The following WDR62 variants were observed in gnomAD, a reference collection of about 807,000 sequenced individuals.
The protein encoded by WDR62 is WD repeat domain 62, also known as WD repeat-containing protein 62.
WDR62 carries 112 observed loss-of-function variants against 160.6 expected under a neutral mutation model. That is an observed-to-expected ratio of 0.70 (90% CI 0.60 to 0.82). WDR62 has a LOEUF of 0.82. Ranked by LOEUF, WDR62 falls within the 40% of genes least tolerant of loss-of-function variation. The pLI, the probability that WDR62 is intolerant of heterozygous loss-of-function variation, is 0.00. For synonymous variants in WDR62, 792 were observed against 815.1 expected (o/e 0.97, Z 0.48); for missense variants, 1,819 against 1,983.8 (o/e 0.92, Z 1.58).
chr19:36,104,417 T>C (rs1333896147), intron 30 of WDR62, 101 bp from the exon 31 acceptor site: 35 of 1,461,788 alleles, frequency 2.4e-5, no homozygotes, highest in Non-Finnish European at 3.3e-5. Context: ...CCCAGAGAAG[T>C]GTTCCAGACA....
intron 24 of WDR62, 67 bp downstream of exon 24, chr19:36,101,384 C>T (rs898404499): frequency 8.0e-6 from 11 of 1,374,346 alleles, no homozygotes; most frequent in South Asian, 2.5e-5. Context: ...TTCTGGGCAC[C>T]GATGGTGACT....
downstream of WDR62, among the ~76,000 whole-genome samples, chr19:36,108,147 A>G (rs952316218): frequency 3.9e-5 from 6 of 152,122 alleles, no homozygotes; most frequent in African/African-American, 1.4e-4. Context: ...ACTCCCACAC[A>G]GGACGGAGTG....
In WDR62 at chr19:36,067,682, C is replaced by T. The variant is rs1018491958; in HGVS notation, c.700-146C>T. 5 of 1,061,450 alleles carry T rather than the reference C, an allele frequency of 4.7e-6. No individual in the cohort carries two copies. The African/African-American group carries it at 6.3e-5, about 13-fold the overall frequency. The allele number at this position is 1,061,450 out of a possible 1,614,324, so 65.8% of individuals were successfully genotyped here. A position where few individuals can be genotyped will look rare whatever the true frequency, so the allele number is the denominator to read the frequency against. Reference sequence around the variant, plus strand: ...GACTGCTGCTGTCCAGCCCCTCTGTCCAGAGTGGCAGGGTTCTAGTGTTTT... The same window carrying T: ...GACTGCTGCTGTCCAGCCCCTCTGTTCAGAGTGGCAGGGTTCTAGTGTTTT... On this transcript the variant is annotated intron_variant, in intron 6 of 31. Coordinates refer to ENST00000401500, the MANE Select transcript of WDR62 (RefSeq NM_001083961.2).
intron 11 of WDR62, among the ~76,000 whole-genome samples, chr19:36,084,154 G>C (rs1267096716): frequency 6.6e-6 from 1 of 152,120 alleles, no homozygotes; most frequent in Non-Finnish European, 1.5e-5. Context: ...CAAGGTGTCT[G>C]GAGTAAGATC....
intron 2 of WDR62, chr19:36,059,143 C>T (rs754263073): frequency 1.7e-6 from 1 of 597,462 alleles, no homozygotes; most frequent in Non-Finnish European, 3.2e-6. Flanking sequence ...AAAGTCCACG[C>T]TGTGGTGTCA....
At position 36,105,070 on chromosome 19, in the gene WDR62, T is replaced by G; in HGVS notation, c.*42T>G. On this transcript the variant is annotated 3_prime_UTR_variant, in exon 32 of 32. Transcript: ENST00000401500. ...CCGCAGCCCTGCTGCTTCTGAGGAC[T>G]TAGGTATTTTAAGCGAATAAACTGA... 6.4e-7 allele frequency: 1 copy of G among 1,574,140 alleles called. No homozygotes were observed. Among genetic ancestry groups the G allele is most frequent in the Non-Finnish European group, 8.6e-7 (1 of 1,167,438 alleles).
intron 18 of WDR62, 22 bp downstream of exon 18, chr19:36,091,487 G>C: frequency 6.2e-7 from 1 of 1,612,394 alleles, no homozygotes; most frequent in Non-Finnish European, 8.5e-7. Context: ...ACCTTTGGGA[G>C]AGTTGTGGCT....
chr19:36,065,671 C>T (rs553223872), intron 3 of WDR62, among the ~76,000 whole-genome samples: 1 of 152,322 alleles, frequency 6.6e-6, no homozygotes, highest in South Asian at 2.1e-4. Flanking sequence ...TTAGGATACC[C>T]ACTGCGGCAG....
chr19:36,091,195 G>T lies in WDR62; in HGVS notation c.2035-5G>T, dbSNP rs772799141. The T allele has an allele frequency of 6.2e-7, 1 of 1,611,740 alleles. No individual in the cohort carries two copies. Among genetic ancestry groups the T allele is most frequent in the Non-Finnish European group, 8.5e-7 (1 of 1,179,522 alleles). On this transcript the variant is annotated splice_region_variant and splice_polypyrimidine_tract_variant and intron_variant, in intron 16 of 31. Transcript: ENST00000401500. ...GGAGTGACATGTGGGTCCCTTTCCT[G>T]GCAGGTCCATGTGGACCCCTCAGGC... is the stretch of plus-strand genomic sequence containing the variant.
rs112789274 is a variant in WDR62 at position 36,084,753 on chromosome 19, G to A, written c.1642+9G>A. 1.4e-4 allele frequency: 223 copies of A among 1,612,044 alleles called. 1 individual carries two copies. In the East Asian group the frequency reaches 3.5e-3, roughly 25 times the overall value. On this transcript the variant is annotated intron_variant, in intron 12 of 31. Coordinates refer to ENST00000401500, the MANE Select transcript of WDR62 (RefSeq NM_001083961.2). The stretch of plus-strand genomic sequence containing the variant: ...CTCCAAGCCAGAGACGGGTGAGCCC[G>A]CAGCAGGGGTGGAATGGGGGTCAGG...
chr19:36,088,878 C>G (rs1224424620), intron 13 of WDR62, among the ~76,000 whole-genome samples, 160 bp from the exon 14 acceptor site: 1 of 152,214 alleles, frequency 6.6e-6, no homozygotes. Context: ...CAGCTCATAC[C>G]TTACAGAGTC....
intron 8 of WDR62, among the ~76,000 whole-genome samples, chr19:36,073,026 A>C (rs895765461): frequency 3.9e-5 from 6 of 152,140 alleles, no homozygotes; most frequent in African/African-American, 1.4e-4. Flanking sequence ...CCTGAGATAC[A>C]TGCCTATTAT....
At chr19:36,101,102 C>T in intron 23 of WDR62, 112 bp from the exon 24 acceptor site, 2 of 1,201,836 alleles carry the variant, frequency 1.7e-6, no homozygotes, top group South Asian at 1.3e-5. Flanking sequence ...GAGGCTGTCG[C>T]AGTGCTCCTG....
At chr19:36,067,730 G>A in intron 6 of WDR62, 98 bp from the exon 7 acceptor site, 1 of 1,387,018 alleles carries the variant, frequency 7.2e-7, no homozygotes, top group Non-Finnish European at 1.0e-6. Flanking sequence ...ATTTGGAAGA[G>A]CTTCTTAGAG....
intron 13 of WDR62, among the ~76,000 whole-genome samples, chr19:36,088,203 C>G (rs992343134): frequency 6.6e-6 from 1 of 152,102 alleles, no homozygotes. Context: ...TTTGTTCTGT[C>G]ATTTCATCCT....
Position 36,103,648 on chromosome 19 carries a change from C to A in WDR62, c.3820C>A (p.Pro1274Thr), listed in dbSNP as rs2145879132. The change falls in exon 30 of 32, where the codon CCC (proline) becomes ACC (threonine). Residue 1274 changes from proline to threonine, a missense_variant. Coordinates refer to ENST00000401500, the MANE Select transcript of WDR62 (RefSeq NM_001083961.2). ...ELQAITTATT[P>T]SLDSEGQEPA... Reference sequence around the variant, plus strand: ...TCAGGCCATCACCACCGCGACAACACCCAGTTTGGACAGTGAGGGCCAAGA... The same window carrying A: ...TCAGGCCATCACCACCGCGACAACAACCAGTTTGGACAGTGAGGGCCAAGA... 1 of 1,610,590 alleles carries A rather than the reference C, an allele frequency of 6.2e-7. No homozygotes were observed. Among genetic ancestry groups the A allele is most frequent in the Non-Finnish European group, 8.5e-7 (1 of 1,179,996 alleles).
At position 36,101,648 on chromosome 19, in the gene WDR62, C is replaced by T. The variant is rs138520465; in HGVS notation, c.2972-16C>T. 139 of 1,545,460 alleles carry T rather than the reference C, an allele frequency of 9.0e-5. 2 individuals carry two copies. The East Asian group carries it at 3.3e-3, about 36-fold the overall frequency. ...TGGTCAGGCTGTGGGCTCCTGACCC[C>T]GACTCTGTCCTTCAGACTCGGGGGA... On this transcript the variant is annotated splice_polypyrimidine_tract_variant and intron_variant, in intron 24 of 31. Transcript: ENST00000401500.
intron 11 of WDR62, among the ~76,000 whole-genome samples, chr19:36,084,027 G>A (rs75548639): frequency 0.02 from 3,073 of 152,160 alleles, 99 homozygotes; most frequent in African/African-American, 0.071. Flanking sequence ...GTGGCAAAAC[G>A]GTACCAAGAG....
At chr19:36,086,313 G>T (rs1433254203) in intron 12 of WDR62, among the ~76,000 whole-genome samples, 1 of 152,152 alleles carries the variant, frequency 6.6e-6, no homozygotes, top group Non-Finnish European at 1.5e-5. Flanking sequence ...GACCTCAGAG[G>T]GTGAGAGGAC....
Sources: allele counts gnomAD v4.1 joint callset (sites outside exome capture counted in the v4.1 genomes callset), GRCh38; gene constraint gnomAD v4.1.1; transcripts MANE v1.5; gene names NCBI Gene and HGNC (gene_info 2026-07-23, HGNC 2026-07-21).